Variants in BTRC observed in about 807,000 individuals in gnomAD.
The protein encoded by BTRC is F-box/WD repeat-containing protein 1A.
Under a neutral mutation model 85.5 loss-of-function variants are expected in BTRC, and 42 were observed. That is an observed-to-expected ratio of 0.49 (90% CI 0.38 to 0.64). BTRC has a LOEUF of 0.64. BTRC is among the 30% of genes least tolerant of loss of function. The probability of loss-of-function intolerance (pLI) is 0.00; values close to 1 mark genes in which losing one functional copy is unlikely to be tolerated. For missense variants in BTRC, 594 were observed against 743.5 expected (o/e 0.80, Z 2.34); for synonymous variants, 255 against 263.3 (o/e 0.97, Z 0.30).
At chr10:101,464,324 T>G (rs1589502992) in intron 3 of BTRC, among the ~76,000 whole-genome samples, 1 of 152,276 alleles carries the variant, frequency 6.6e-6, no homozygotes, top group Middle Eastern at 3.4e-3. Flanking sequence ...ATCATGCCTA[T>G]TAAGTCCAGC....
intron 1 of BTRC, among the ~76,000 whole-genome samples, chr10:101,423,567 A>G (rs1033144623): frequency 1.1e-4 from 17 of 152,352 alleles, no homozygotes; most frequent in Admixed American, 3.3e-4. Context: ...AGTGTAAACT[A>G]CTTGAGTCTG....
intron 1 of BTRC, among the ~76,000 whole-genome samples, chr10:101,356,009 G>C (rs1413934201): frequency 6.6e-6 from 1 of 152,138 alleles, no homozygotes; most frequent in Non-Finnish European, 1.5e-5. Context: ...TTCCTACTTA[G>C]AGGGTTGACT....
intron 9 of BTRC, among the ~76,000 whole-genome samples, chr10:101,534,341 ATTG>A (rs1398340414): frequency 1.3e-5 from 2 of 152,168 alleles, no homozygotes; most frequent in Non-Finnish European, 2.9e-5. Context: ...CACTAATGCT[ATTG>A]TTATTAATCA....
At chr10:101,446,840 C>T (rs572458871) in intron 2 of BTRC, among the ~76,000 whole-genome samples, 99 of 152,212 alleles carry the variant, frequency 6.5e-4, no homozygotes, top group Non-Finnish European at 1.0e-3. Flanking sequence ...TGTTTCTTCC[C>T]TCTATCCCCC....
At chr10:101,367,032 TTATATATATAAATATA>T (rs1942474855) in intron 1 of BTRC, among the ~76,000 whole-genome samples, 1 of 52,242 alleles carries the variant, frequency 1.9e-5, no homozygotes, top group African/African-American at 5.4e-5. Context: ...ATTTATATAT[TTATATATATAAATATA>T]TATATATATA....
chr10:101,354,136 A>G, upstream of BTRC: 1 of 1,547,036 alleles, frequency 6.5e-7, no homozygotes, highest in South Asian at 1.2e-5. Context: ...CCTGGCACCA[A>G]AGGGGCGGCC....
At chr10:101,521,557 G>T in intron 4 of BTRC, 82 bp from the exon 5 acceptor site, 1 of 996,018 alleles carries the variant, frequency 1.0e-6, no homozygotes. Context: ...ACATAATATA[G>T]CATGCCATAC....
chr10:101,531,172 A>C, intron 6 of BTRC, 65 bp from the exon 7 acceptor site: 1 of 1,322,420 alleles, frequency 7.6e-7, no homozygotes, highest in East Asian at 2.4e-5. Context: ...CTCTGTCTCA[A>C]AATATATATG....
chr10:101,375,592 G>A (rs1207769610), intron 1 of BTRC, among the ~76,000 whole-genome samples: 1 of 152,228 alleles, frequency 6.6e-6, no homozygotes, highest in Non-Finnish European at 1.5e-5. Flanking sequence ...GAAAGCATCA[G>A]TGAATACTAG....
At chr10:101,423,469 A>C (rs1039775510) in intron 1 of BTRC, among the ~76,000 whole-genome samples, 1 of 152,216 alleles carries the variant, frequency 6.6e-6, no homozygotes, top group Non-Finnish European at 1.5e-5. Context: ...ACCTAAACTT[A>C]TAGTAGCTGT....
chr10:101,526,721 A>G (rs1027188098), intron 6 of BTRC, among the ~76,000 whole-genome samples: 14 of 152,164 alleles, frequency 9.2e-5, no homozygotes, highest in African/African-American at 3.1e-4. Context: ...TCTTTCAGAA[A>G]ATTTCTTGCC....
chr10:101,533,270 T>A (rs986790463), intron 9 of BTRC, among the ~76,000 whole-genome samples, 200 bp downstream of exon 9: 1 of 152,212 alleles, frequency 6.6e-6, no homozygotes, highest in East Asian at 1.9e-4. Flanking sequence ...TTTCGCACAT[T>A]GAAGAAACTA....
intron 1 of BTRC, among the ~76,000 whole-genome samples, chr10:101,403,481 A>G (rs903626211): frequency 2.0e-5 from 3 of 152,216 alleles, no homozygotes; most frequent in South Asian, 4.1e-4. Context: ...CTATATGGCC[A>G]TAAGGGATAT....
At position 101,387,750 on chromosome 10, in the gene BTRC, C is replaced by T. The variant is rs1237228331; in HGVS notation, c.48+33522C>T. 2.7e-5 allele frequency among the ~76,000 whole-genome samples: 4 copies of T among 150,646 alleles called. No individual in the cohort carries two copies. In the East Asian group the frequency reaches 5.9e-4, roughly 22 times the overall value. Reference sequence around the variant, plus strand: ...TGTCGCCCAGGCTGAAGTGCGGTGGCGCGATCTCTGCTTACTGCAAACTCT... The same window carrying T: ...TGTCGCCCAGGCTGAAGTGCGGTGGTGCGATCTCTGCTTACTGCAAACTCT... On this transcript the variant is annotated intron_variant, in intron 1 of 14. Coordinates refer to ENST00000370187, the MANE Select transcript of BTRC (RefSeq NM_033637.4).
chr10:101,414,235 A>G (rs1253186990), intron 1 of BTRC, among the ~76,000 whole-genome samples: 1 of 152,192 alleles, frequency 6.6e-6, no homozygotes, highest in East Asian at 1.9e-4. Flanking sequence ...GCACTGTATA[A>G]TGACATTTCA....
At chr10:101,442,790 G>C (rs535011417) in intron 2 of BTRC, among the ~76,000 whole-genome samples, 2 of 151,638 alleles carry the variant, frequency 1.3e-5, no homozygotes, top group East Asian at 3.9e-4. Flanking sequence ...TTTTTTTCCT[G>C]GTTGTTAGAA....
intron 5 of BTRC, among the ~76,000 whole-genome samples, chr10:101,523,918 C>G (rs879681917): frequency 2.6e-5 from 4 of 151,906 alleles, no homozygotes; most frequent in Non-Finnish European, 2.9e-5. Flanking sequence ...ATACATTAAT[C>G]TTGTAGGAAT....
At chr10:101,460,011 A>G (rs191785012) in intron 2 of BTRC, among the ~76,000 whole-genome samples, 1 of 152,348 alleles carries the variant, frequency 6.6e-6, no homozygotes, top group Admixed American at 6.5e-5. Context: ...TTATATGATA[A>G]CATTTCAAAA....
chr10:101,442,432 A>G (rs528387487), intron 2 of BTRC, among the ~76,000 whole-genome samples: 4 of 152,228 alleles, frequency 2.6e-5, no homozygotes, highest in African/African-American at 7.2e-5. Flanking sequence ...TCTCCAGGGA[A>G]GAGAAAATAC....
Sources: gnomAD v4.1 joint callset for allele counts (sites outside exome capture counted in the v4.1 genomes callset) on GRCh38, gnomAD v4.1.1 for gene constraint, MANE v1.5 for transcripts, NCBI Gene and HGNC (gene_info 2026-07-23, HGNC 2026-07-21) for gene names.